CELSR3: variants seen among roughly 807,000 people sequenced by gnomAD.
CELSR3 encodes EGF-like protein 1.
In CELSR3, 73 loss-of-function variants were observed where a neutral mutation model predicts 270.0. That is an observed-to-expected ratio of 0.27 (90% CI 0.22 to 0.33). The LOEUF (loss-of-function observed/expected upper bound fraction) is 0.33. Among genes scored for constraint, CELSR3 ranks in the 10% least tolerant of loss-of-function variants. The probability of loss-of-function intolerance (pLI) is 1.00; values close to 1 mark genes in which losing one functional copy is unlikely to be tolerated. For missense variants in CELSR3, 3,614 were observed against 4,533.8 expected (o/e 0.80, Z 5.83); for synonymous variants, 1,780 against 1,905.4 (o/e 0.93, Z 1.71).
rs141289150 is a variant in CELSR3, at chr3:48,659,069, G to A, written c.3566C>T (p.Ser1189Leu). 21 of 1,614,060 alleles carry A rather than the reference G, an allele frequency of 1.3e-5. No individual in the cohort carries two copies. Among genetic ancestry groups the A allele is most frequent in the African/African-American group, 8.0e-5 (6 of 74,896 alleles). ...AGCTGGGATGCGCCCAATAATGCCCGACGGGAAGGTGTCTGAACGGTTGGA... is the reference window on the plus strand; with the variant it reads ...AGCTGGGATGCGCCCAATAATGCCCAACGGGAAGGTGTCTGAACGGTTGGA... ...YVSNRSDTFP[S>L]GIIGRIPAYD... The change falls in exon 1 of 35, where the codon TCG (serine) becomes TTG (leucine). Residue 1189 changes from serine (S) to leucine (L), a missense_variant. By Grantham distance (145) the Ser-to-Leu change is moderately radical. Coordinates refer to ENST00000164024, the MANE Select transcript of CELSR3 (RefSeq NM_001407.3). The surrounding 1 kb of genome is among the most constrained non-coding windows in gnomAD (Gnocchi z 8.1).
Position 48,640,309 on chromosome 3 carries a change from AACAG to A in CELSR3, c.9272_9275del (p.Pro3091LeufsTer5), listed in dbSNP as rs774644018. 3.8e-4 allele frequency: 620 copies of A among 1,612,658 alleles called. No individual in the cohort carries two copies. Among genetic ancestry groups the A allele is most frequent in the Non-Finnish European group, 4.8e-4 (568 of 1,179,946 alleles). The stretch of plus-strand genomic sequence containing the variant: ...ACCCTGGCCGGCTCAGGGGACGTAG[AACAG>A]GGGCAGGGGCTTCCTCTAGTCGCTC... On this transcript the variant is annotated frameshift_variant, in exon 34 of 35. Coordinates refer to ENST00000164024, the MANE Select transcript of CELSR3 (RefSeq NM_001407.3). LOFTEE classifies it high-confidence loss of function. The surrounding 1 kb of genome is among the most constrained non-coding windows in gnomAD (Gnocchi z 7.5).
At position 48,656,284 on chromosome 3, in the gene CELSR3, G is replaced by A. The variant is rs1208798434; in HGVS notation, c.4481C>T (p.Pro1494Leu). Residue 1494 changes from proline (P) to leucine (L), a missense_variant, in exon 3 of 35, where the codon CCC becomes CTC. Around this residue, in one of 7 missense-constraint regions of CELSR3, gnomAD observed 1,331 missense variants for 1,933.7 expected, o/e 0.69. Coordinates refer to ENST00000164024, the MANE Select transcript of CELSR3 (RefSeq NM_001407.3). ...GCACTGGCAGCGAAAGCCGCCGTTGGGCGCGTCGGTGCAGGTGCCCCCGTT... is the reference window on the plus strand; with the variant it reads ...GCACTGGCAGCGAAAGCCGCCGTTGAGCGCGTCGGTGCAGGTGCCCCCGTT... ...CRNGGTCTDA[P>L]NGGFRCQCPA... is the part of the protein sequence containing the mutation. The A allele has an allele frequency of 1.3e-6, 2 of 1,532,564 alleles. No individual in the cohort carries two copies. Among genetic ancestry groups the A allele is most frequent in the East Asian group, 2.4e-5 (1 of 40,822 alleles). 94.9% of individuals were successfully genotyped at this position (1,532,564 alleles called of 1,614,324 possible). A position where few individuals can be genotyped will look rare whatever the true frequency, so the allele number is the denominator to read the frequency against.
chr3:48,637,953 C>A lies in CELSR3; in HGVS notation c.*252G>T. Reference sequence around the variant, plus strand: ...AGGAGACAGAAAAGCTGAAAAATAACATAAGCATCTCTCTGGTTACAAAGG... The same window carrying A: ...AGGAGACAGAAAAGCTGAAAAATAAAATAAGCATCTCTCTGGTTACAAAGG... On this transcript the variant is annotated 3_prime_UTR_variant, in exon 35 of 35. Coordinates refer to ENST00000164024, the MANE Select transcript of CELSR3 (RefSeq NM_001407.3). 2.0e-5 allele frequency: 8 copies of A among 409,532 alleles called. No homozygotes were observed. Among genetic ancestry groups the A allele is most frequent in the East Asian group, 7.4e-5 (2 of 27,102 alleles). 25.4% of individuals were successfully genotyped at this position (409,532 alleles called of 1,614,324 possible).
rs1285186116 is a variant in CELSR3 at position 48,660,948 on chromosome 3, C to T, written c.1687G>A (p.Val563Ile). Residue 563 changes from valine to isoleucine, a missense_variant, in exon 1 of 35, where the codon GTC becomes ATC. By Grantham distance (29) the Val-to-Ile change is conservative. Coordinates refer to ENST00000164024, the MANE Select transcript of CELSR3 (RefSeq NM_001407.3). The surrounding 1 kb of genome is among the most constrained non-coding windows in gnomAD (Gnocchi z 5.5). ...TCAGTGGCCGTGACGCGCAGCACGA[C>T]TGTGTGGGGGCGCACATCCTCGCGC... The part of the protein sequence containing the change: ...QVREDVRPHT[V>I]VLRVTATDRD... The T allele has an allele frequency of 1.2e-6, 2 of 1,613,948 alleles. No individual in the cohort carries two copies. The highest frequency in any genetic ancestry group is 1.7e-6 in the Non-Finnish European group (2 of 1,180,048).
rs1261785130 is a variant in CELSR3 at position 48,640,149 on chromosome 3, A to G, written c.9436T>C (p.Leu3146=). ...CTCAACCACTCTCGAGGTGCCCCTAAGTCGAGCGCATCCCGTGACCCGAAG... is the reference window on the plus strand; with the variant it reads ...CTCAACCACTCTCGAGGTGCCCCTAGGTCGAGCGCATCCCGTGACCCGAAG... ...GRFGSRDALD[L]GAPREWLSTL... The change falls in exon 34 of 35, where the codon TTA becomes CTA. Residue 3146 remains leucine (L), a synonymous_variant. Transcript: ENST00000164024. This position sits in a 1 kb window ranked among gnomAD's most constrained non-coding sequence, Gnocchi z 7.5. 1 of 1,612,548 alleles carries G rather than the reference A, an allele frequency of 6.2e-7. No individual in the cohort carries two copies. Among genetic ancestry groups the G allele is most frequent in the Admixed American group, 1.7e-5 (1 of 60,014 alleles).
Position 48,661,964 on chromosome 3 carries a change from C to T in CELSR3, c.671G>A (p.Gly224Glu). The change falls in exon 1 of 35, where the codon GGA (glycine) becomes GAA (glutamate). Residue 224 changes from glycine to glutamate, a missense_variant. By Grantham distance (98) the Gly-to-Glu change is moderately conservative. This residue lies in a region of CELSR3 where 470 missense variants were observed against 469.7 expected (regional missense o/e 1.00). Transcript: ENST00000164024. ...KGQGERATTS[G>E]AERTAPRRNC... Reference sequence around the variant, plus strand: ...CCGCCGGGGGGCTGTCCTTTCTGCTCCGGATGTCGTGGCTCTCTCGCCCTG... The same window carrying T: ...CCGCCGGGGGGCTGTCCTTTCTGCTTCGGATGTCGTGGCTCTCTCGCCCTG... 1 of 1,613,866 alleles carries T rather than the reference C, an allele frequency of 6.2e-7. No individual in the cohort carries two copies. Among genetic ancestry groups the T allele is most frequent in the Non-Finnish European group, 8.5e-7 (1 of 1,180,034 alleles).
At position 48,660,842 on chromosome 3, in the gene CELSR3, AG is replaced by A; in HGVS notation, c.1792del (p.Leu598SerfsTer93). On this transcript the variant is annotated frameshift_variant, in exon 1 of 35. Transcript: ENST00000164024. LOFTEE classifies it high-confidence loss of function. This position sits in a 1 kb window ranked among gnomAD's most constrained non-coding sequence, Gnocchi z 5.5. Reference sequence around the variant, plus strand: ...TGCCACCACCTGGATCTCGCCAGTGAGGCTGTCGATGGCAAAGTGTCCACGG... The same window carrying A: ...TGCCACCACCTGGATCTCGCCAGTGAGCTGTCGATGGCAAAGTGTCCACGG... The part of the protein sequence containing the change: ...NSRGHFAIDS[L>X]TGEIQVVAPL... 1 of 1,614,038 alleles carries A rather than the reference AG, an allele frequency of 6.2e-7. No individual in the cohort carries two copies. Among genetic ancestry groups the A allele is most frequent in the Non-Finnish European group, 8.5e-7 (1 of 1,180,006 alleles).
rs2047044224 is a variant in CELSR3 at position 48,643,044 on chromosome 3, C to G, written c.8329G>C (p.Asp2777His). Residue 2777 changes from aspartate to histidine, a missense_variant, in exon 29 of 35, where the codon GAT (aspartate) becomes CAT (histidine). Asp to His is a moderately conservative substitution (Grantham distance 81). Coordinates refer to ENST00000164024, the MANE Select transcript of CELSR3 (RefSeq NM_001407.3). The part of the protein sequence containing the change: ...VLLLFCVLNA[D>H]ARAAWMPACL... ...GCTGGCATCCAGGCAGCCCGAGCAT[C>G]TGCATTTAGGACACAGAAGAGCAGC... The G allele has an allele frequency of 6.2e-7, 1 of 1,612,780 alleles. No homozygotes were observed. The highest frequency in any genetic ancestry group is 1.3e-5 in the African/African-American group (1 of 74,934).
Position 48,650,778 on chromosome 3 carries a change from T to G in CELSR3, c.6370+114A>C. 8.1e-7 allele frequency: 1 copy of G among 1,241,490 alleles called. No homozygotes were observed. The allele number at this position is 1,241,490 out of a possible 1,614,324, so 76.9% of individuals were successfully genotyped here. A position where few individuals can be genotyped will look rare whatever the true frequency, so the allele number is the denominator to read the frequency against. ...GGTAGGGTTCCCTGGGTGTAAGTGG[T>G]CTCCCTCAGGAGAAGCTTCCAGAGT... is the stretch of plus-strand genomic sequence containing the variant. On this transcript the variant is annotated intron_variant, in intron 15 of 34. Transcript: ENST00000164024. The surrounding 1 kb of genome is among the most constrained non-coding windows in gnomAD (Gnocchi z 5.1).
In CELSR3 at chr3:48,660,545, G is replaced by C; in HGVS notation, c.2090C>G (p.Thr697Ser). The C allele has an allele frequency of 1.2e-6, 2 of 1,614,210 alleles. No homozygotes were observed. ...AGTGGCGCTGTTTATCACAAAAGGA[G>C]TATCAGGTGCCACACCAGTTAGGGA... The part of the protein sequence containing the change: ...EYSLTGVAPD[T>S]PFVINSATGW... Residue 697 changes from threonine to serine, a missense_variant, in exon 1 of 35, where the codon ACT (threonine) becomes AGT (serine). Physicochemically the swap from Thr to Ser is moderately conservative, Grantham distance 58. Around this residue, in one of 7 missense-constraint regions of CELSR3, gnomAD observed 215 missense variants for 241.2 expected, o/e 0.89. Coordinates refer to ENST00000164024, the MANE Select transcript of CELSR3 (RefSeq NM_001407.3). This position sits in a 1 kb window ranked among gnomAD's most constrained non-coding sequence, Gnocchi z 5.5.
Position 48,646,118 on chromosome 3 carries a change from TCG to T in CELSR3, c.7433_7434del (p.Ala2478AspfsTer52). Reference protein sequence around the residue: ...RLLQTANRSKAICVQWDPPGL... With the variant: ...RLLQTANRSKXICVQWDPPGL... Reference sequence around the variant, plus strand: ...CCAGGTGGGTCCCACTGCACACAGATCGCCTTGCTCCGATTCGCTGTCTGTAG... The same window carrying T: ...CCAGGTGGGTCCCACTGCACACAGATCCTTGCTCCGATTCGCTGTCTGTAG... On this transcript the variant is annotated frameshift_variant, in exon 22 of 35. Coordinates refer to ENST00000164024, the MANE Select transcript of CELSR3 (RefSeq NM_001407.3). LOFTEE classifies it high-confidence loss of function. The surrounding 1 kb of genome is among the most constrained non-coding windows in gnomAD (Gnocchi z 4.8). The T allele has an allele frequency of 6.2e-7, 1 of 1,612,876 alleles. No individual in the cohort carries two copies. The highest frequency in any genetic ancestry group is 8.5e-7 in the Non-Finnish European group (1 of 1,179,892).
rs1279772554 is a variant in CELSR3 at position 48,641,814 on chromosome 3, C to T, written c.8824+37G>A. 7.0e-7 allele frequency: 1 copy of T among 1,430,464 alleles called. No homozygotes were observed. The highest frequency in any genetic ancestry group is 9.2e-7 in the Non-Finnish European group (1 of 1,089,036). The allele number at this position is 1,430,464 out of a possible 1,614,324, so 88.6% of individuals were successfully genotyped here. On this transcript the variant is annotated intron_variant, in intron 32 of 34. Coordinates refer to ENST00000164024, the MANE Select transcript of CELSR3 (RefSeq NM_001407.3). The surrounding 1 kb of genome is among the most constrained non-coding windows in gnomAD (Gnocchi z 4.8). Reference sequence around the variant, plus strand: ...GCTGGAGGGATAACAAATGGGGCATCCCTTGGTCACCCAAGGGGTCAGAGG... The same window carrying T: ...GCTGGAGGGATAACAAATGGGGCATTCCTTGGTCACCCAAGGGGTCAGAGG...
Position 48,640,533 on chromosome 3 carries a change from G to A in CELSR3, c.9052C>T (p.Pro3018Ser). Residue 3018 changes from proline (P) to serine (S), a missense_variant, in exon 34 of 35, where the codon CCA becomes TCA. Pro to Ser is a moderately conservative substitution (Grantham distance 74). Transcript: ENST00000164024. The surrounding 1 kb of genome is among the most constrained non-coding windows in gnomAD (Gnocchi z 7.5). ...KGILKNRLQY[P>S]LVPQTRGAPE... The stretch of plus-strand genomic sequence containing the variant: ...GCACCTCGGGTCTGTGGCACCAGTG[G>A]GTATTGCAACCGGTTCTTCAGGATG... The A allele has an allele frequency of 6.3e-7, 1 of 1,596,630 alleles. No individual in the cohort carries two copies.
intron 2 of CELSR3, among the ~76,000 whole-genome samples, 165 bp downstream of exon 2, chr3:48,656,533 T>G (rs1457585857): frequency 3.3e-5 from 5 of 152,316 alleles, no homozygotes; most frequent in African/African-American, 1.2e-4. Flanking sequence ...GTCTCATCGC[T>G]GCCTCGGCGG....
chr3:48,641,057 G>C lies in CELSR3; in HGVS notation c.9025+267C>G, dbSNP rs965658484. 1.6e-5 allele frequency: 8 copies of C among 503,180 alleles called. No homozygotes were observed. Among genetic ancestry groups the C allele is most frequent in the Non-Finnish European group, 2.8e-5 (8 of 283,488 alleles). The allele number at this position is 503,180 out of a possible 1,614,324, so 31.2% of individuals were successfully genotyped here. On this transcript the variant is annotated intron_variant, in intron 33 of 34. Transcript: ENST00000164024. This position sits in a 1 kb window ranked among gnomAD's most constrained non-coding sequence, Gnocchi z 4.8. ...GGGGGGCAGGGGGAAGCAGCTCCTA[G>C]GGTCTCTGAAAAACAGATGGGCTGG...
At position 48,655,269 on chromosome 3, in the gene CELSR3, A is replaced by G. The variant is rs759926910; in HGVS notation, c.4830+37T>C. On this transcript the variant is annotated intron_variant, in intron 5 of 34. Transcript: ENST00000164024. The surrounding 1 kb of genome is among the most constrained non-coding windows in gnomAD (Gnocchi z 5.8). ...CCTGAGGAGCAGAAGTCAGCATCCCAACTCCCCTCATACCCGATGCCAGGG... is the reference window on the plus strand; with the variant it reads ...CCTGAGGAGCAGAAGTCAGCATCCCGACTCCCCTCATACCCGATGCCAGGG... 10 of 1,613,882 alleles carry G rather than the reference A, an allele frequency of 6.2e-6. No homozygotes were observed. The highest frequency in any genetic ancestry group is 8.5e-6 in the Non-Finnish European group (10 of 1,179,910).
chr3:48,656,037 G>C, intron 3 of CELSR3, 103 bp downstream of exon 3: 2 of 1,302,448 alleles, frequency 1.5e-6, no homozygotes, highest in Non-Finnish European at 1.1e-6. Flanking sequence ...CAGGGGAGGG[G>C]CGGTGTCTCA....
chr3:48,662,669 GC>G lies in CELSR3; in HGVS notation c.-36del. The G allele has an allele frequency of 1.2e-6, 1 of 858,276 alleles. No individual in the cohort carries two copies. The highest frequency in any genetic ancestry group is 1.5e-6 in the Non-Finnish European group (1 of 678,372). 53.2% of individuals were successfully genotyped at this position (858,276 alleles called of 1,614,324 possible). A position where few individuals can be genotyped will look rare whatever the true frequency, so the allele number is the denominator to read the frequency against. On this transcript the variant is annotated 5_prime_UTR_variant, in exon 1 of 35. Coordinates refer to ENST00000164024, the MANE Select transcript of CELSR3 (RefSeq NM_001407.3). The surrounding 1 kb of genome is among the most constrained non-coding windows in gnomAD (Gnocchi z 7.1). ...CCCTGCACGGCCTCCACCGCCCCCC[GC>G]CCCGGTCCGGGCCTTGGGCTGGCCC...
intron 18 of CELSR3, 44 bp downstream of exon 18, chr3:48,648,675 G>C: frequency 6.3e-7 from 1 of 1,586,278 alleles, no homozygotes; most frequent in Non-Finnish European, 8.6e-7. Flanking sequence ...AGGAGGCTGG[G>C]AGCTGGGGGG....
Sources: allele counts gnomAD v4.1 joint callset (sites outside exome capture counted in the v4.1 genomes callset), GRCh38; gene constraint gnomAD v4.1.1; regional missense constraint gnomAD v4.1.1; non-coding constraint Gnocchi (gnomAD v3.1); transcripts MANE v1.5; gene names NCBI Gene and HGNC (gene_info 2026-07-23, HGNC 2026-07-21).